TDRD1: variants seen among roughly 807,000 people sequenced by gnomAD.
TDRD1 encodes the protein tudor domain containing 1.
In TDRD1, 37 loss-of-function variants were observed where a neutral mutation model predicts 140.6. The ratio of observed to expected loss-of-function variants is 0.26; its 90% CI spans 0.20 to 0.35. The LOEUF (loss-of-function observed/expected upper bound fraction) is 0.35, where lower values mean the gene tolerates loss of function less well. TDRD1 is among the 10% of genes least tolerant of loss of function. The pLI is 1.00. For synonymous variants in TDRD1, 506 were observed against 475.7 expected, an observed-to-expected ratio of 1.06 and a Z score of -0.83; for missense variants, 1,243 against 1,393.0, an observed-to-expected ratio of 0.89 and a Z score of 1.71.
At chr10:114,191,542 G>A (rs1483892162) in intron 3 of TDRD1, among the ~76,000 whole-genome samples, 1 of 152,162 alleles carries the variant, frequency 6.6e-6, no homozygotes. Context: ...AATTGATCTA[G>A]GTTGTATGCA....
intron 1 of TDRD1, among the ~76,000 whole-genome samples, chr10:114,187,082 A>G (rs2120135479): frequency 6.6e-6 from 1 of 152,334 alleles, no homozygotes; most frequent in South Asian, 2.1e-4. Flanking sequence ...AGAGTAACGG[A>G]AAAACAAGCC....
chr10:114,209,149 G>A (rs757045452), intron 11 of TDRD1, among the ~76,000 whole-genome samples: 4 of 152,068 alleles, frequency 2.6e-5, no homozygotes, highest in Non-Finnish European at 5.9e-5. Context: ...GAGACCAGGA[G>A]TTTGAGGCCC....
At chr10:114,198,202 A>G (rs909383024) in intron 3 of TDRD1, among the ~76,000 whole-genome samples, 1 of 152,172 alleles carries the variant, frequency 6.6e-6, no homozygotes, top group Non-Finnish European at 1.5e-5. Context: ...CTCTAGTGAC[A>G]CGGGTGGAGA....
Position 114,202,250 on chromosome 10 carries a change from T to C in TDRD1, c.648T>C (p.Leu216=), listed in dbSNP as rs748475612. The C allele has an allele frequency of 3.3e-5, 53 of 1,602,830 alleles. No homozygotes were observed. In the South Asian group the frequency reaches 5.7e-4, roughly 17 times the overall value. Residue 216 remains leucine, a synonymous_variant, in exon 6 of 26, where the codon CTT becomes CTC. Coordinates refer to ENST00000251864, the Ensembl canonical transcript of TDRD1. The stretch of plus-strand genomic sequence containing the variant: ...TGCTTTATTGCAGTTTCCACAAACT[T>C]GAAAATAAATCATCTATTGAAACAA...
intron 3 of TDRD1, among the ~76,000 whole-genome samples, chr10:114,195,506 T>C (rs1564939598): frequency 6.6e-6 from 1 of 152,194 alleles, no homozygotes; most frequent in Non-Finnish European, 1.5e-5. Context: ...TTCATGCATA[T>C]TTAGGATTGC....
chr10:114,232,629 C>T (rs1402549956), downstream of TDRD1, among the ~76,000 whole-genome samples: 1 of 148,424 alleles, frequency 6.7e-6, no homozygotes, highest in Non-Finnish European at 1.5e-5. Flanking sequence ...GATAAAAGCT[C>T]ACGCTGCTTT....
At chr10:114,229,930 A>G (rs999450878) in intron 25 of TDRD1, among the ~76,000 whole-genome samples, 5 of 151,506 alleles carry the variant, frequency 3.3e-5, no homozygotes, top group African/African-American at 9.7e-5. Context: ...TCCCGGGTTC[A>G]TGCCATTCTC....
chr10:114,182,350 C>T (rs76720807), intron 1 of TDRD1, among the ~76,000 whole-genome samples: 1,605 of 151,240 alleles, frequency 0.011, 20 homozygotes, highest in African/African-American at 0.037. Context: ...GGTGTTGTAA[C>T]GAAAATTCCT....
At chr10:114,226,132 G>A (rs2036423152) in exon 22 of TDRD1, 1 of 1,613,956 alleles carries the variant, frequency 6.2e-7, no homozygotes, top group Admixed American at 1.7e-5. Context: ...TGGAAACATT[G>A]AAACCCTGCC....
intron 1 of TDRD1, chr10:114,179,660 C>T (rs961377382): frequency 6.6e-6 from 1 of 152,234 alleles, no homozygotes; most frequent in African/African-American, 2.4e-5. Flanking sequence ...AAACGTTCAC[C>T]TTCTCTCTAA....
exon 20 of TDRD1, chr10:114,221,459 T>C: frequency 6.2e-7 from 1 of 1,613,140 alleles, no homozygotes; most frequent in Non-Finnish European, 8.5e-7. Flanking sequence ...TTTTATGCTC[T>C]ACCAAAAGGG....
At chr10:114,183,830 T>C (rs1564929897) in intron 1 of TDRD1, among the ~76,000 whole-genome samples, 1 of 151,628 alleles carries the variant, frequency 6.6e-6, no homozygotes, top group East Asian at 1.9e-4. Context: ...GCCTCCTGAG[T>C]AGCTGGGATT....
intron 2 of TDRD1, among the ~76,000 whole-genome samples, chr10:114,188,843 G>C (rs563536959): frequency 7.4e-6 from 1 of 135,250 alleles, no homozygotes; most frequent in South Asian, 2.5e-4. Context: ...GTGACAGAGC[G>C]ATACTCTGTC....
chr10:114,224,496 G>A (rs1236032648), intron 21 of TDRD1, among the ~76,000 whole-genome samples: 2 of 152,126 alleles, frequency 1.3e-5, no homozygotes, highest in African/African-American at 2.4e-5. Context: ...AATGCTTTTA[G>A]TTGCTTTTGT....
intron 4 of TDRD1, among the ~76,000 whole-genome samples, chr10:114,200,225 A>G (rs974537876): frequency 1.3e-5 from 2 of 152,218 alleles, no homozygotes; most frequent in African/African-American, 4.8e-5. Context: ...ACCAGTTTAC[A>G]GTTAAATTTG....
chr10:114,228,302 T>C (rs369761791), intron 25 of TDRD1: 1 of 1,383,116 alleles, frequency 7.2e-7, no homozygotes. Flanking sequence ...GTTTATCTGA[T>C]CGTTTTCCTT....
At chr10:114,211,918 T>C (rs1208040876) in exon 14 of TDRD1, 5 of 1,606,352 alleles carry the variant, frequency 3.1e-6, no homozygotes, top group Non-Finnish European at 4.2e-6. Context: ...CTGAAGAATC[T>C]GTACTGGTCG....
At chr10:114,220,092 A>G (rs2036050972) in intron 18 of TDRD1, among the ~76,000 whole-genome samples, 1 of 152,220 alleles carries the variant, frequency 6.6e-6, no homozygotes, top group Non-Finnish European at 1.5e-5. Context: ...ATTGAGATAC[A>G]TGTTCAAGTT....
intron 1 of TDRD1, 23 bp from the exon 2 acceptor site, chr10:114,187,803 C>CT: frequency 6.6e-7 from 1 of 1,522,810 alleles, no homozygotes; most frequent in Non-Finnish European, 8.8e-7. Flanking sequence ...AAAGTTGTCT[C>CT]TTAAATACAT....
Sources: gnomAD v4.1 joint callset for allele counts (sites outside exome capture counted in the v4.1 genomes callset) on GRCh38, gnomAD v4.1.1 for gene constraint, MANE v1.5 for transcripts, NCBI Gene and HGNC (gene_info 2026-07-23, HGNC 2026-07-21) for gene names.